Variants in RBFOX2 observed in about 807,000 individuals in gnomAD.
RBFOX2 encodes the protein RNA binding protein fox-1 homolog 2.
A neutral mutation model predicts 49.1 loss-of-function variants in RBFOX2; 10 were observed. The observed-to-expected ratio is 0.20, with a 90% CI of 0.13 to 0.35. RBFOX2 has a LOEUF of 0.35. Ranked by LOEUF, RBFOX2 falls within the 10% of genes least tolerant of loss-of-function variation. The pLI is 1.00. For synonymous variants in RBFOX2, 183 were observed against 187.4 expected (o/e 0.98, Z 0.19); for missense variants, 323 against 486.9 (o/e 0.66, Z 3.17).
chr22:35,768,498 G>A (rs769532444), intron 4 of RBFOX2, 149 bp from the exon 6 acceptor site: 6 of 613,898 alleles, frequency 9.8e-6, no homozygotes, highest in Non-Finnish European at 1.4e-5. Context: ...TTTGGTCCAT[G>A]CATATTTGTA....
At chr22:35,987,194 A>T (rs1228759476) in intron 1 of RBFOX2, among the ~76,000 whole-genome samples, 1 of 152,224 alleles carries the variant, frequency 6.6e-6, no homozygotes, top group Admixed American at 6.5e-5. Flanking sequence ...CTTGTAAACA[A>T]CATACCAAGA....
chr22:35,772,479 C>T (rs993025934), intron 4 of RBFOX2, among the ~76,000 whole-genome samples: 2 of 152,064 alleles, frequency 1.3e-5, no homozygotes, highest in African/African-American at 4.8e-5. Flanking sequence ...ATTCTGAAAT[C>T]TGGTGTCCAT....
At chr22:35,977,765 TGCACAC>T (rs2057265130) in intron 1 of RBFOX2, among the ~76,000 whole-genome samples, 5 of 96,800 alleles carry the variant, frequency 5.2e-5, no homozygotes, top group East Asian at 3.4e-4. Flanking sequence ...TATATATACA[TGCACAC>T]ACACACATAT....
At chr22:35,940,323 C>A (rs2053563160), upstream of RBFOX2, among the ~76,000 whole-genome samples, 1 of 152,128 alleles carries the variant, frequency 6.6e-6, no homozygotes, top group African/African-American at 2.4e-5. Context: ...AAGAGATGTG[C>A]AAATGGCCAG....
At chr22:35,845,604 A>G (rs1401795315) in intron 1 of RBFOX2, among the ~76,000 whole-genome samples, 1 of 152,200 alleles carries the variant, frequency 6.6e-6, no homozygotes, top group Non-Finnish European at 1.5e-5. Flanking sequence ...TAACTTATTC[A>G]TATCTTTAAG....
At chr22:35,992,706 T>G (rs2058033628) in intron 1 of RBFOX2, 2 of 152,194 alleles carry the variant, frequency 1.3e-5, no homozygotes, top group African/African-American at 4.8e-5. Context: ...GGGTCATTTA[T>G]CCAATACGTC....
At position 35,959,624 on chromosome 22, in the gene RBFOX2, C is replaced by T. The variant is rs779085092; in HGVS notation, c.42+1939G>A. ...GTGGCGTCTGAGATTTCTGCATCTA[C>T]CAGGAAATGAAGCTTCTAGTGCTGG... On this transcript the variant is annotated intron_variant, in intron 1 of 5. Coordinates refer to the RBFOX2 transcript ENST00000408983. Among the ~76,000 whole-genome samples, 39 of 152,152 alleles carry T rather than the reference C, an allele frequency of 2.6e-4. 1 individual carries two copies. Among genetic ancestry groups the T allele is most frequent in the Admixed American group, 4.6e-4 (7 of 15,272 alleles).
exon 5 of RBFOX2, chr22:35,768,266 A>G: frequency 6.2e-7 from 1 of 1,614,000 alleles, no homozygotes; most frequent in Non-Finnish European, 8.5e-7. Context: ...CCTCGATTTT[A>G]CGGCCCTCTA....
exon 12 of RBFOX2, chr22:35,742,084 G>A (rs1044901045): frequency 2.0e-5 from 3 of 152,152 alleles, no homozygotes; most frequent in East Asian, 1.9e-4. Flanking sequence ...CCCATTCCCC[G>A]CTCCTCTAAC....
At chr22:35,756,120 G>A (rs549820957) in intron 9 of RBFOX2, 8 of 1,501,774 alleles carry the variant, frequency 5.3e-6, no homozygotes, top group South Asian at 3.9e-5. Flanking sequence ...GGTCAGCACC[G>A]TAAAATCCGT....
intron 1 of RBFOX2, among the ~76,000 whole-genome samples, chr22:35,877,781 C>A (rs187024973): frequency 4.6e-5 from 7 of 151,850 alleles, no homozygotes; most frequent in Non-Finnish European, 1.0e-4. Flanking sequence ...CTGGTCCCTG[C>A]GATGTGAGAG....
intron 1 of RBFOX2, among the ~76,000 whole-genome samples, chr22:35,883,179 C>T (rs1394840853): frequency 1.3e-5 from 2 of 152,190 alleles, no homozygotes; most frequent in South Asian, 4.1e-4. Flanking sequence ...AGCTCCTGAG[C>T]ACTTTCTCAG....
intron 1 of RBFOX2, among the ~76,000 whole-genome samples, chr22:35,981,820 T>C (rs1459074381): frequency 1.3e-5 from 2 of 152,104 alleles, no homozygotes; most frequent in Non-Finnish European, 2.9e-5. Flanking sequence ...CCCCTTATGT[T>C]TGAGGCCCCA....
intron 1 of RBFOX2, among the ~76,000 whole-genome samples, chr22:35,954,463 T>A (rs2055323713): frequency 6.6e-6 from 1 of 152,202 alleles, no homozygotes; most frequent in Non-Finnish European, 1.5e-5. Context: ...CAGGCCTGGA[T>A]CACTTCAAGC....
chr22:35,746,047 A>C, intron 10 of RBFOX2, 52 bp from the exon 13 acceptor site: 2 of 1,475,992 alleles, frequency 1.4e-6, no homozygotes, highest in Non-Finnish European at 1.9e-6. Context: ...ATGATCTAAA[A>C]AAATTAAAGG....
chr22:35,846,887 G>A (rs577888605), intron 1 of RBFOX2, among the ~76,000 whole-genome samples: 1 of 152,100 alleles, frequency 6.6e-6, no homozygotes, highest in Non-Finnish European at 1.5e-5. Context: ...AATAATTTAA[G>A]ACCCTGTTTC....
chr22:35,885,693 T>C (rs2046466799), intron 1 of RBFOX2, among the ~76,000 whole-genome samples: 2 of 151,946 alleles, frequency 1.3e-5, no homozygotes, highest in South Asian at 2.1e-4. Context: ...ATAAACAACA[T>C]AAGCTTCTGA....
intron 1 of RBFOX2, among the ~76,000 whole-genome samples, chr22:35,811,439 G>C (rs1951846526): frequency 6.6e-6 from 1 of 152,166 alleles, no homozygotes; most frequent in Non-Finnish European, 1.5e-5. Flanking sequence ...AGGCCCATGT[G>C]AAGACACAGA....
chr22:35,935,125 A>G (rs1268300926), intron 1 of RBFOX2, among the ~76,000 whole-genome samples: 2 of 151,966 alleles, frequency 1.3e-5, no homozygotes, highest in Non-Finnish European at 2.9e-5. Flanking sequence ...TAGTAGAGAC[A>G]AGGTCTTGCT....
Sources: allele counts gnomAD v4.1 joint callset (sites outside exome capture counted in the v4.1 genomes callset), GRCh38; gene constraint gnomAD v4.1.1; transcripts MANE v1.5; gene names NCBI Gene and HGNC (gene_info 2026-07-23, HGNC 2026-07-21).